The following SMYD3 variants were observed in gnomAD, a reference collection of about 807,000 sequenced individuals.
The protein encoded by SMYD3 is SET and MYND domain containing 3.
Under a neutral mutation model 57.7 loss-of-function variants are expected in SMYD3, and 36 were observed. The observed-to-expected ratio is 0.62, with a 90% CI of 0.48 to 0.82. SMYD3 has a LOEUF of 0.82. Among genes scored for constraint, SMYD3 ranks in the 40% least tolerant of loss-of-function variants. The pLI, the probability that SMYD3 is intolerant of heterozygous loss-of-function variation, is 0.00. For synonymous variants in SMYD3, 211 were observed against 195.0 expected (o/e 1.08, Z -0.68); for missense variants, 515 against 538.8 (o/e 0.96, Z 0.44).
At chr1:246,004,937 T>C (rs2059143223) in intron 5 of SMYD3, among the ~76,000 whole-genome samples, 1 of 152,164 alleles carries the variant, frequency 6.6e-6, no homozygotes, top group Admixed American at 6.6e-5. Flanking sequence ...CTCAACCTCC[T>C]TGGACTCAGC....
chr1:245,868,311 T>C (rs2051990754), intron 8 of SMYD3, among the ~76,000 whole-genome samples: 1 of 152,220 alleles, frequency 6.6e-6, no homozygotes, highest in African/African-American at 2.4e-5. Flanking sequence ...TTCTAGTACC[T>C]TCATGCTTCA....
At chr1:245,930,226 T>C in intron 5 of SMYD3, 3 of 461,924 alleles carry the variant, frequency 6.5e-6, no homozygotes, top group South Asian at 1.8e-5. Flanking sequence ...CATTATCCAC[T>C]ACCCCAAAGT....
chr1:246,278,710 A>G (rs2064384551), intron 5 of SMYD3, among the ~76,000 whole-genome samples: 1 of 152,224 alleles, frequency 6.6e-6, no homozygotes, highest in South Asian at 2.1e-4. Context: ...CGAGAGCTTT[A>G]TGAGACCCTA....
At chr1:245,953,182 A>G in intron 5 of SMYD3, 1 of 958,756 alleles carries the variant, frequency 1.0e-6, no homozygotes, top group Non-Finnish European at 1.3e-6. Flanking sequence ...CTCTTTGGTC[A>G]TAATATATAT....
intron 10 of SMYD3, among the ~76,000 whole-genome samples, chr1:245,830,804 C>G (rs1394162554): frequency 1.3e-5 from 2 of 152,142 alleles, no homozygotes; most frequent in African/African-American, 2.4e-5. Flanking sequence ...TAGGCAACAC[C>G]TATCTCTAAA....
intron 5 of SMYD3, among the ~76,000 whole-genome samples, chr1:246,108,018 G>A (rs2061161963): frequency 6.6e-6 from 1 of 152,164 alleles, no homozygotes; most frequent in Non-Finnish European, 1.5e-5. Context: ...AAGATAGGTA[G>A]TTTCTGGAAA....
chr1:246,062,325 G>C (rs577306059), intron 5 of SMYD3, among the ~76,000 whole-genome samples: 1 of 152,058 alleles, frequency 6.6e-6, no homozygotes, highest in African/African-American at 2.4e-5. Flanking sequence ...GCCTTTCTGC[G>C]AGAAAAAACA....
chr1:246,085,441 A>G (rs1433607273), intron 5 of SMYD3, among the ~76,000 whole-genome samples: 4 of 152,150 alleles, frequency 2.6e-5, no homozygotes, highest in Non-Finnish European at 5.9e-5. Context: ...GAAAAAGGTT[A>G]TAAAATCTTT....
At chr1:246,068,521 T>C (rs2148374477) in intron 5 of SMYD3, among the ~76,000 whole-genome samples, 1 of 152,272 alleles carries the variant, frequency 6.6e-6, no homozygotes, top group Non-Finnish European at 1.5e-5. Flanking sequence ...AGGGAGGCTA[T>C]GACTGGGAGG....
At position 245,817,318 on chromosome 1, in the gene SMYD3, A is replaced by T. The variant is rs565720056; in HGVS notation, c.1076+41178T>A. Among the ~76,000 whole-genome samples the T allele has an allele frequency of 6.5e-4, 94 of 144,708 alleles. 3 individuals carry two copies. The highest frequency in any genetic ancestry group is 2.3e-3 in the African/African-American group (89 of 38,128). The allele number at this position is 144,708 out of a possible 152,430, so 94.9% of individuals were successfully genotyped here. A position where few individuals can be genotyped will look rare whatever the true frequency, so the allele number is the denominator to read the frequency against. ...ACCTCACATGGCAGGGTATTCCAACAGCCCTGCAGCTGAGGGTCCTGCCTG... is the reference window on the plus strand; with the variant it reads ...ACCTCACATGGCAGGGTATTCCAACTGCCCTGCAGCTGAGGGTCCTGCCTG... On this transcript the variant is annotated intron_variant, in intron 10 of 11. Transcript: ENST00000490107.
chr1:245,941,388 A>G lies in SMYD3; in HGVS notation c.532-11451T>C, dbSNP rs140360565. Among the ~76,000 whole-genome samples, 119 of 152,314 alleles carry G rather than the reference A, an allele frequency of 7.8e-4. 1 individual carries two copies. Among genetic ancestry groups the G allele is most frequent in the African/African-American group, 2.8e-3 (115 of 41,570 alleles). On this transcript the variant is annotated intron_variant, in intron 5 of 11. Coordinates refer to ENST00000490107, the MANE Select transcript of SMYD3 (RefSeq NM_001167740.2). ...CATCAGATTCTCCATGGTTGAAATG[A>G]AAGAAAAAATGTTAAGGGCGGCCAG...
At chr1:245,892,112 T>C (rs943871289) in intron 8 of SMYD3, among the ~76,000 whole-genome samples, 3 of 151,818 alleles carry the variant, frequency 2.0e-5, no homozygotes, top group Admixed American at 6.6e-5. Context: ...CAAGAGGCAC[T>C]AGGCACAAAA....
intron 8 of SMYD3, among the ~76,000 whole-genome samples, chr1:245,882,598 A>ATAAATAAAT (rs2052847693): frequency 6.6e-6 from 1 of 152,174 alleles, no homozygotes; most frequent in Non-Finnish European, 1.5e-5. Context: ...TAATGACTAC[A>ATAAATAAAT]AAATAAATAA....
At chr1:246,163,575 T>C (rs981150685) in intron 5 of SMYD3, among the ~76,000 whole-genome samples, 1 of 152,240 alleles carries the variant, frequency 6.6e-6, no homozygotes, top group Non-Finnish European at 1.5e-5. Flanking sequence ...TCTTTTTTTT[T>C]CCAGCCTGTG....
intron 8 of SMYD3, among the ~76,000 whole-genome samples, chr1:245,875,801 C>T (rs920857419): frequency 7.9e-5 from 12 of 152,216 alleles, no homozygotes; most frequent in African/African-American, 2.7e-4. Context: ...TTCTGTTTTA[C>T]TTTCCATTTA....
intron 5 of SMYD3, among the ~76,000 whole-genome samples, chr1:246,242,386 T>C (rs1383832690): frequency 3.3e-5 from 5 of 152,202 alleles, no homozygotes; most frequent in African/African-American, 1.2e-4. Flanking sequence ...TCAGTTTCCA[T>C]GTAGTTGAGC....
chr1:246,070,214 C>T (rs767435933), intron 5 of SMYD3, among the ~76,000 whole-genome samples: 10 of 152,120 alleles, frequency 6.6e-5, no homozygotes, highest in Non-Finnish European at 1.3e-4. Flanking sequence ...TTTTCATTTC[C>T]CGGGACCTCC....
chr1:245,892,181 T>A (rs2053428883), intron 8 of SMYD3, among the ~76,000 whole-genome samples: 1 of 152,140 alleles, frequency 6.6e-6, no homozygotes, highest in African/African-American at 2.4e-5. Flanking sequence ...AAAAAACTGT[T>A]AAGAAAATTA....
At chr1:246,296,517 C>A (rs1431976726) in intron 5 of SMYD3, among the ~76,000 whole-genome samples, 1 of 151,928 alleles carries the variant, frequency 6.6e-6, no homozygotes, top group Non-Finnish European at 1.5e-5. Context: ...ATATAAATAA[C>A]ATTATATACT....
Sources: gnomAD v4.1 joint callset for allele counts (sites outside exome capture counted in the v4.1 genomes callset) on GRCh38, gnomAD v4.1.1 for gene constraint, MANE v1.5 for transcripts, NCBI Gene and HGNC (gene_info 2026-07-23, HGNC 2026-07-21) for gene names.